Variants in SEC31A observed in about 807,000 individuals in gnomAD.
SEC31A encodes the protein SEC31 homolog A, COPII component.
Under a neutral mutation model 151.0 loss-of-function variants are expected in SEC31A, and 70 were observed. The ratio of observed to expected loss-of-function variants is 0.46; its 90% CI spans 0.38 to 0.57. The LOEUF (loss-of-function observed/expected upper bound fraction) is 0.57. Among genes scored for constraint, SEC31A ranks in the 20% least tolerant of loss-of-function variants. SEC31A has a pLI of 0.00. For missense variants in SEC31A, 1,330 were observed against 1,471.2 expected, an observed-to-expected ratio of 0.90 and a Z score of 1.57; for synonymous variants, 475 against 505.9, an observed-to-expected ratio of 0.94 and a Z score of 0.82.
chr4:82,824,730 A>C, intron 24 of SEC31A, 56 bp from the exon 25 acceptor site: 2 of 1,579,938 alleles, frequency 1.3e-6, no homozygotes, highest in Non-Finnish European at 1.7e-6. Flanking sequence ...CCTTATATAC[A>C]CAATCTTGAA....
Position 82,863,327 on chromosome 4 carries a change from T to C in SEC31A, c.1500A>G (p.Leu500=), listed in dbSNP as rs372157342. 2.5e-5 allele frequency: 39 copies of C among 1,572,638 alleles called. No homozygotes were observed. Among genetic ancestry groups the C allele is most frequent in the African/African-American group, 4.1e-5 (3 of 73,048 alleles). The change falls in exon 12 of 27, where the codon CTA becomes CTG. Residue 500 remains leucine, a synonymous_variant. Coordinates refer to ENST00000395310, the MANE Select transcript of SEC31A (RefSeq NM_001077207.4). ...TTTCCCAAAAGTTTACCTTCTTTCC[T>C]AGATCTTCTTTTCTGTATCCTAGAA... ...LELLGYRKED[L]GKKIALALNK...
At position 82,876,298 on chromosome 4, in the gene SEC31A, C is replaced by T. The variant is rs532405266; in HGVS notation, c.403-476G>A. 7.0e-4 allele frequency among the ~76,000 whole-genome samples: 107 copies of T among 151,814 alleles called. 1 individual carries two copies. Among genetic ancestry groups the T allele is most frequent in the Non-Finnish European group, 1.2e-3 (83 of 67,954 alleles). ...GCTAATTCTGTATTTTTAGTAGAGA[C>T]GGGGTTTCTCCATGTTGGTCAGGCT... On this transcript the variant is annotated intron_variant, in intron 4 of 26. Transcript: ENST00000395310.
intron 4 of SEC31A, among the ~76,000 whole-genome samples, chr4:82,877,102 G>A (rs1429345910): frequency 6.6e-6 from 1 of 152,084 alleles, no homozygotes; most frequent in African/African-American, 2.4e-5. Context: ...TGTGGCTCAT[G>A]CCTGTAGTCC....
At chr4:82,849,341 G>A (rs1010380293) in intron 19 of SEC31A, among the ~76,000 whole-genome samples, 4 of 152,074 alleles carry the variant, frequency 2.6e-5, no homozygotes, top group Admixed American at 6.6e-5. Flanking sequence ...AAGGCCAGGC[G>A]CAGAGGTTCA....
At chr4:82,851,626 C>A in intron 18 of SEC31A, 22 bp from the exon 19 acceptor site, 2 of 1,591,786 alleles carry the variant, frequency 1.3e-6, no homozygotes, top group Non-Finnish European at 1.7e-6. Flanking sequence ...AAATGAGTAA[C>A]AAACAGAAAT....
At chr4:82,851,195 CTA>C (rs552499316) in intron 19 of SEC31A, among the ~76,000 whole-genome samples, 1 of 152,156 alleles carries the variant, frequency 6.6e-6, no homozygotes, top group Non-Finnish European at 1.5e-5. Context: ...TCCTAAAATA[CTA>C]TGTCGGTACA....
chr4:82,898,305 A>G (rs947767531), intron 3 of SEC31A, among the ~76,000 whole-genome samples: 1 of 152,244 alleles, frequency 6.6e-6, no homozygotes, highest in African/African-American at 2.4e-5. Context: ...ACAACAACAA[A>G]AAAAGTATAG....
intron 14 of SEC31A, 176 bp from the exon 15 acceptor site, chr4:82,857,940 C>A: frequency 2.1e-6 from 1 of 478,166 alleles, no homozygotes; most frequent in Non-Finnish European, 3.8e-6. Context: ...TAAATATTAC[C>A]TCCCATTATA....
intron 21 of SEC31A, among the ~76,000 whole-genome samples, chr4:82,843,244 C>A (rs1387426212): frequency 6.6e-6 from 1 of 151,922 alleles, no homozygotes; most frequent in Non-Finnish European, 1.5e-5. Flanking sequence ...GATTCTCCTG[C>A]CTCAGCCTCC....
intron 4 of SEC31A, among the ~76,000 whole-genome samples, chr4:82,876,335 C>T (rs1299329961): frequency 2.6e-5 from 4 of 152,110 alleles, no homozygotes; most frequent in African/African-American, 9.7e-5. Flanking sequence ...GTCTCAAACT[C>T]CTGACCTCAG....
intron 7 of SEC31A, among the ~76,000 whole-genome samples, chr4:82,871,045 A>G (rs2125675694): frequency 6.6e-6 from 1 of 152,268 alleles, no homozygotes; most frequent in African/African-American, 2.4e-5. Context: ...TCAGCCAGTT[A>G]TGGTGGCGTG....
intron 10 of SEC31A, among the ~76,000 whole-genome samples, chr4:82,865,530 A>T (rs1735111002): frequency 8.0e-6 from 1 of 125,162 alleles, no homozygotes; most frequent in African/African-American, 2.8e-5. Flanking sequence ...GATAAAAAAA[A>T]ATGTGGTATA....
At chr4:82,822,524 C>A (rs1208171176) in intron 25 of SEC31A, among the ~76,000 whole-genome samples, 1 of 152,130 alleles carries the variant, frequency 6.6e-6, no homozygotes, top group Admixed American at 6.5e-5. Flanking sequence ...AGAGAAGAGA[C>A]AGGCCATCAA....
intron 22 of SEC31A, among the ~76,000 whole-genome samples, chr4:82,838,550 C>CG (rs1298638498): frequency 6.6e-6 from 1 of 152,182 alleles, no homozygotes; most frequent in Non-Finnish European, 1.5e-5. Flanking sequence ...TAATCTCCCT[C>CG]GCGTACCACT....
intron 21 of SEC31A, chr4:82,843,860 T>C (rs1729471365): frequency 6.6e-6 from 1 of 152,330 alleles, no homozygotes; most frequent in South Asian, 2.1e-4. Context: ...TGTAGGTTCA[T>C]CGATTGTAAC....
In SEC31A at chr4:82,819,153, G is replaced by T; in HGVS notation, c.3584C>A (p.Thr1195Asn). 2 of 1,611,992 alleles carry T rather than the reference G, an allele frequency of 1.2e-6. No individual in the cohort carries two copies. The highest frequency in any genetic ancestry group is 1.7e-6 in the Non-Finnish European group (2 of 1,179,010). Reference protein sequence around the residue: ...GLTMHTHIVSTSNFSETSAFM... With the variant: ...GLTMHTHIVSNSNFSETSAFM... ...AGCAGAGGTCTCACTGAAGTTGCTGGTGCTAACTATGTGGGTATGCATGGT... is the reference window on the plus strand; with the variant it reads ...AGCAGAGGTCTCACTGAAGTTGCTGTTGCTAACTATGTGGGTATGCATGGT... The change falls in exon 27 of 27, where the codon ACC becomes AAC. Residue 1195 changes from threonine to asparagine, a missense_variant. Thr to Asn is a moderately conservative substitution (Grantham distance 65). Coordinates refer to ENST00000395310, the MANE Select transcript of SEC31A (RefSeq NM_001077207.4).
chr4:82,879,393 C>CTA, intron 3 of SEC31A, among the ~76,000 whole-genome samples: 1 of 145,030 alleles, frequency 6.9e-6, no homozygotes, highest in East Asian at 2.0e-4. Context: ...AAGGGGGGGT[C>CTA]ACTAACAAGT....
chr4:82,849,283 G>A (rs1238009403), intron 19 of SEC31A, among the ~76,000 whole-genome samples: 1 of 151,984 alleles, frequency 6.6e-6, no homozygotes, highest in Non-Finnish European at 1.5e-5. Context: ...GTTTTCTTGT[G>A]GTTACCTAAT....
At chr4:82,877,281 A>G (rs1738177065) in intron 4 of SEC31A, among the ~76,000 whole-genome samples, 1 of 152,026 alleles carries the variant, frequency 6.6e-6, no homozygotes, top group Non-Finnish European at 1.5e-5. Context: ...CTGTATTGCT[A>G]TACCCTAAGT....
Sources: allele counts gnomAD v4.1 joint callset (sites outside exome capture counted in the v4.1 genomes callset), GRCh38; gene constraint gnomAD v4.1.1; transcripts MANE v1.5; gene names NCBI Gene and HGNC (gene_info 2026-07-23, HGNC 2026-07-21).